ACAN: variants seen among roughly 807,000 people sequenced by gnomAD.
The protein encoded by ACAN is aggrecan.
In ACAN, 47 loss-of-function variants were observed where a neutral mutation model predicts 169.1. The observed-to-expected ratio is 0.28, with a 90% CI of 0.22 to 0.35. The LOEUF (loss-of-function observed/expected upper bound fraction) is 0.35, where lower values mean the gene tolerates loss of function less well. Among genes scored for constraint, ACAN ranks in the 10% least tolerant of loss-of-function variants. The pLI is 1.00. For synonymous variants in ACAN, 1,115 were observed against 1,112.2 expected (o/e 1.00, Z -0.05); for missense variants, 2,716 against 2,759.9 (o/e 0.98, Z 0.36).
intron 8 of ACAN, 145 bp downstream of exon 8, chr15:88,847,562 C>G: frequency 9.3e-7 from 1 of 1,071,792 alleles, no homozygotes; most frequent in Non-Finnish European, 1.3e-6. Context: ...AGGCATATCC[C>G]GAAAGGGTGG....
rs944178126 is a variant in ACAN at position 88,849,795 on chromosome 15, C to T, written c.2026+64C>T. 1.5e-5 allele frequency: 23 copies of T among 1,566,220 alleles called. No homozygotes were observed. The highest frequency in any genetic ancestry group is 4.6e-5 in the South Asian group (4 of 86,326). On this transcript the variant is annotated intron_variant, in intron 10 of 18. Transcript: ENST00000560601. The surrounding 1 kb of genome is among the most constrained non-coding windows in gnomAD (Gnocchi z 5.1). ...CTGGAGAGGACCCCACTGGGTTCAC[C>T]GGATCCTGCCACCACCCAGTATCCC...
rs745686964 is a variant in ACAN, at chr15:88,858,240, T to C, written c.5655T>C (p.Ser1885=). Residue 1885 remains serine, a synonymous_variant, in exon 12 of 19, where the codon AGT becomes AGC. Coordinates refer to ENST00000560601, the MANE Select transcript of ACAN (RefSeq NM_001369268.1). The surrounding 1 kb of genome is among the most constrained non-coding windows in gnomAD (Gnocchi z 4.0). ...SGQFSGTVDS[S]GFTSQTPEFS... ...AGTTTTCTGGAACAGTCGATTCCAGTGGGTTTACATCCCAGACTCCGGAAT... is the reference window on the plus strand; with the variant it reads ...AGTTTTCTGGAACAGTCGATTCCAGCGGGTTTACATCCCAGACTCCGGAAT... 4 of 1,613,810 alleles carry C rather than the reference T, an allele frequency of 2.5e-6. No individual in the cohort carries two copies. The highest frequency in any genetic ancestry group is 3.4e-6 in the Non-Finnish European group (4 of 1,179,906).
In ACAN at chr15:88,838,775, C is replaced by T; in HGVS notation, c.183C>T (p.Thr61=). Residue 61 remains threonine (T), a synonymous_variant, in exon 3 of 19, where the codon ACC becomes ACT. Coordinates refer to ENST00000560601, the MANE Select transcript of ACAN (RefSeq NM_001369268.1). This position sits in a 1 kb window ranked among gnomAD's most constrained non-coding sequence, Gnocchi z 5.1. Reference sequence around the variant, plus strand: ...TCATCGACCCCATGCACCCTGTGACCACCGCCCCTTCTACCGCCCCACTGG... The same window carrying T: ...TCATCGACCCCATGCACCCTGTGACTACCGCCCCTTCTACCGCCCCACTGG... The part of the protein sequence containing the change: ...CYFIDPMHPV[T]TAPSTAPLAP... The T allele has an allele frequency of 6.2e-7, 1 of 1,613,986 alleles. No homozygotes were observed. Among genetic ancestry groups the T allele is most frequent in the Non-Finnish European group, 8.5e-7 (1 of 1,179,878 alleles).
chr15:88,860,409 C>A lies in ACAN; in HGVS notation c.6916C>A (p.Pro2306Thr), dbSNP rs1429348431. ...TEGHVICLCP[P>T]GYTGEHCNID... ...GGGACACGTCATATGCCTGTGCCCC[C>A]CTGGCTACACTGGCGAGCACTGTAA... Residue 2306 changes from proline (P) to threonine (T), a missense_variant, in exon 13 of 19, where the codon CCT becomes ACT. Coordinates refer to ENST00000560601, the MANE Select transcript of ACAN (RefSeq NM_001369268.1). The A allele has an allele frequency of 5.0e-6, 8 of 1,613,656 alleles. No individual in the cohort carries two copies. The South Asian group carries it at 7.7e-5, about 16-fold the overall frequency.
chr15:88,847,690 C>G (rs1896829214), intron 8 of ACAN, among the ~76,000 whole-genome samples: 1 of 152,216 alleles, frequency 6.6e-6, no homozygotes, highest in Non-Finnish European at 1.5e-5. Flanking sequence ...TTCCATGCAG[C>G]TGCTCTCTCC....
chr15:88,840,151 G>C lies in ACAN; in HGVS notation c.594G>C (p.Gln198His). ...LQAAYEDGFHQCDAGWLADQT... is the reference protein window; with the variant it reads ...LQAAYEDGFHHCDAGWLADQT... ...CCGCCTACGAAGACGGCTTCCACCA[G>C]TGTGACGCCGGCTGGCTGGCTGACC... Residue 198 changes from glutamine to histidine, a missense_variant, in exon 4 of 19, where the codon CAG (glutamine) becomes CAC (histidine). By Grantham distance (24) the Gln-to-His change is conservative. Transcript: ENST00000560601. 6.2e-7 allele frequency: 1 copy of C among 1,605,230 alleles called. No individual in the cohort carries two copies. Among genetic ancestry groups the C allele is most frequent in the Non-Finnish European group, 8.5e-7 (1 of 1,176,580 alleles).
chr15:88,825,795 T>G (rs1472942092), intron 1 of ACAN, among the ~76,000 whole-genome samples: 1 of 152,150 alleles, frequency 6.6e-6, no homozygotes. Flanking sequence ...TCCTTCCACT[T>G]CCTACTGTGC....
intron 9 of ACAN, 54 bp downstream of exon 9, chr15:88,848,092 G>A: frequency 1.3e-6 from 2 of 1,597,640 alleles, no homozygotes; most frequent in Non-Finnish European, 1.7e-6. Context: ...GGTGGGCAGG[G>A]AGCTGACAGG....
In ACAN at chr15:88,843,610, C is replaced by T. The variant is rs374218750; in HGVS notation, c.1013C>T (p.Pro338Leu). The T allele has an allele frequency of 1.3e-5, 21 of 1,595,938 alleles. No individual in the cohort carries two copies. The highest frequency in any genetic ancestry group is 6.7e-5 in the Admixed American group (4 of 59,622). Residue 338 changes from proline (P) to leucine (L), a missense_variant, in exon 6 of 19, where the codon CCC (proline) becomes CTC (leucine). Pro to Leu is a moderately conservative substitution (Grantham distance 98). Around this residue, in one of 3 missense-constraint regions of ACAN, gnomAD observed 1,283 missense variants for 1,281.5 expected, o/e 1.00. Transcript: ENST00000560601. The surrounding 1 kb of genome is among the most constrained non-coding windows in gnomAD (Gnocchi z 4.0). Reference sequence around the variant, plus strand: ...GTGCATGCCAACCAGACGGGCTACCCCGACCCCTCATCCCGCTACGACGCC... The same window carrying T: ...GTGCATGCCAACCAGACGGGCTACCTCGACCCCTCATCCCGCTACGACGCC... Reference protein sequence around the residue: ...VYVHANQTGYPDPSSRYDAIC... With the variant: ...VYVHANQTGYLDPSSRYDAIC...
intron 1 of ACAN, among the ~76,000 whole-genome samples, chr15:88,818,866 G>A (rs547808324): frequency 2.0e-5 from 3 of 152,316 alleles, no homozygotes; most frequent in African/African-American, 4.8e-5. Flanking sequence ...GTGAATACGC[G>A]ATGCCACTGA....
At chr15:88,859,609 A>G (rs1385340811) in intron 12 of ACAN, among the ~76,000 whole-genome samples, 192 bp downstream of exon 12, 1 of 152,226 alleles carries the variant, frequency 6.6e-6, no homozygotes, top group African/African-American at 2.4e-5. Flanking sequence ...ATACTCTACC[A>G]GGGAAGATTA....
chr15:88,846,669 A>G (rs1470342129), intron 7 of ACAN, among the ~76,000 whole-genome samples: 1 of 152,266 alleles, frequency 6.6e-6, no homozygotes, highest in Admixed American at 6.5e-5. Context: ...ACAATACAAT[A>G]TAACCACTAC....
Position 88,851,907 on chromosome 15 carries a change from G to C in ACAN, c.2140G>C (p.Val714Leu). 1 of 1,612,308 alleles carries C rather than the reference G, an allele frequency of 6.2e-7. No homozygotes were observed. The highest frequency in any genetic ancestry group is 1.1e-5 in the South Asian group (1 of 90,574). ...QVVPGVAAVP[V>L]EEETTAVPSG... ...GGTTCCTGGTGTGGCTGCTGTCCCC[G>C]TAGAAGAGGAGACAACTGCTGTACC... Residue 714 changes from valine (V) to leucine (L), a missense_variant, in exon 11 of 19, where the codon GTA (valine) becomes CTA (leucine). By Grantham distance (32) the Val-to-Leu change is conservative. Coordinates refer to ENST00000560601, the MANE Select transcript of ACAN (RefSeq NM_001369268.1). This position sits in a 1 kb window ranked among gnomAD's most constrained non-coding sequence, Gnocchi z 4.3.
At position 88,866,581 on chromosome 15, in the gene ACAN, G is replaced by A. The variant is rs73458246; in HGVS notation, c.6947-1635G>A. On this transcript the variant is annotated intron_variant, in intron 13 of 18. Transcript: ENST00000560601. The surrounding 1 kb of genome is among the most constrained non-coding windows in gnomAD (Gnocchi z 5.6). ...GTTCTAGTCTATGGTGTGCCCCCCC[G>A]AGATGAAGTTAAAGACTTCATGGGA... Among the ~76,000 whole-genome samples, 648 of 152,104 alleles carry A rather than the reference G, an allele frequency of 4.3e-3. 3 individuals carry two copies. Among genetic ancestry groups the A allele is most frequent in the African/African-American group, 0.015 (613 of 41,494 alleles).
Position 88,840,110 on chromosome 15 carries a change from C to A in ACAN, c.553C>A (p.Pro185Thr), listed in dbSNP as rs751285545. ...GCAGAACAGTGCCATCATTGCCACG[C>A]CTGAGCAGCTGCAGGCCGCCTACGA... ...CLQNSAIIATPEQLQAAYEDG... is the reference protein window; with the variant it reads ...CLQNSAIIATTEQLQAAYEDG... The change falls in exon 4 of 19, where the codon CCT becomes ACT. Residue 185 changes from proline to threonine, a missense_variant. Physicochemically the swap from Pro to Thr is conservative, Grantham distance 38. Transcript: ENST00000560601. 83 of 1,605,866 alleles carry A rather than the reference C, an allele frequency of 5.2e-5. 1 individual carries two copies. The East Asian group carries it at 1.8e-3, about 34-fold the overall frequency.
At position 88,843,681 on chromosome 15, in the gene ACAN, A is replaced by G. The variant is rs780735076; in HGVS notation, c.1051+33A>G. 2.0e-6 allele frequency: 3 copies of G among 1,537,312 alleles called. No individual in the cohort carries two copies. The highest frequency in any genetic ancestry group is 3.7e-5 in the Admixed American group (2 of 54,306). On this transcript the variant is annotated intron_variant, in intron 6 of 18. Transcript: ENST00000560601. This position sits in a 1 kb window ranked among gnomAD's most constrained non-coding sequence, Gnocchi z 4.0. ...ACGGCTGGTGGTGGGAAGGGAGTTC[A>G]TGCCACTAAAATGGGGTCCTAGAGG...
chr15:88,855,440 G>T lies in ACAN; in HGVS notation c.2855G>T (p.Gly952Val), dbSNP rs1318791718. The stretch of plus-strand genomic sequence containing the variant: ...CTAGAGGGCTCTGCCTCTGGAGTTG[G>T]GGATCTCAGTGGACTTCCTTCTGGA... Reference protein sequence around the residue: ...EILEGSASGVGDLSGLPSGEV... With the variant: ...EILEGSASGVVDLSGLPSGEV... The change falls in exon 12 of 19, where the codon GGG becomes GTG. Residue 952 changes from glycine to valine, a missense_variant. Around this residue, in one of 3 missense-constraint regions of ACAN, gnomAD observed 1,283 missense variants for 1,281.5 expected, o/e 1.00. Coordinates refer to ENST00000560601, the MANE Select transcript of ACAN (RefSeq NM_001369268.1). 6.2e-7 allele frequency: 1 copy of T among 1,613,838 alleles called. No homozygotes were observed. Among genetic ancestry groups the T allele is most frequent in the African/African-American group, 1.3e-5 (1 of 75,006 alleles).
intron 1 of ACAN, among the ~76,000 whole-genome samples, chr15:88,820,822 T>C (rs1896058002): frequency 6.6e-6 from 1 of 152,094 alleles, no homozygotes; most frequent in Admixed American, 6.5e-5. Context: ...GTGAAGTGGT[T>C]GCATTAGTCC....
intron 1 of ACAN, among the ~76,000 whole-genome samples, chr15:88,824,265 A>G (rs1896152104): frequency 2.0e-5 from 3 of 152,026 alleles, no homozygotes; most frequent in African/African-American, 4.8e-5. Flanking sequence ...CGGAGCTTGC[A>G]GTAAGCCAAG....
Sources: allele counts gnomAD v4.1 joint callset (sites outside exome capture counted in the v4.1 genomes callset), GRCh38; gene constraint gnomAD v4.1.1; regional missense constraint gnomAD v4.1.1; non-coding constraint Gnocchi (gnomAD v3.1); transcripts MANE v1.5; gene names NCBI Gene and HGNC (gene_info 2026-07-23, HGNC 2026-07-21).